The following RDH10 variants were observed in gnomAD, a reference collection of about 807,000 sequenced individuals.
The protein encoded by RDH10 is retinol dehydrogenase 10, also known as retinol dehydrogenase 10 (all-trans).
RDH10 carries 12 observed loss-of-function variants against 30.2 expected under a neutral mutation model. That is an observed-to-expected ratio of 0.40 (90% CI 0.25 to 0.64). The LOEUF (loss-of-function observed/expected upper bound fraction) is 0.64. RDH10 is among the 30% of genes least tolerant of loss of function. RDH10 has a pLI of 0.43. For missense variants in RDH10, 268 were observed against 445.2 expected, an observed-to-expected ratio of 0.60 and a Z score of 3.58; for synonymous variants, 189 against 172.2, an observed-to-expected ratio of 1.10 and a Z score of -0.76.
At chr8:73,310,462 G>A (rs1215915463) in intron 2 of RDH10, among the ~76,000 whole-genome samples, 2 of 152,334 alleles carry the variant, frequency 1.3e-5, no homozygotes, top group African/African-American at 4.8e-5. Context: ...TGTGCTGTTG[G>A]AACAGGGGCT....
intron 4 of RDH10, chr8:73,321,806 G>A (rs1261898623): frequency 2.2e-6 from 1 of 456,126 alleles, no homozygotes; most frequent in Non-Finnish European, 4.4e-6. Flanking sequence ...CTGTTGGTTG[G>A]GGGCCATTCT....
intron 1 of RDH10, 151 bp downstream of exon 1, chr8:73,295,729 C>T: frequency 6.3e-6 from 6 of 955,644 alleles, no homozygotes; most frequent in Non-Finnish European, 8.8e-6. Flanking sequence ...GTGGAATTCG[C>T]TTCCTGATAA....
intron 2 of RDH10, 80 bp from the exon 3 acceptor site, chr8:73,319,015 AG>A (rs1814721711): frequency 3.6e-6 from 3 of 821,958 alleles, no homozygotes; most frequent in Non-Finnish European, 6.0e-6. Context: ...TGTGAATAAA[AG>A]TTTGTTTTGT....
chr8:73,308,853 G>C (rs1201147424), intron 2 of RDH10, among the ~76,000 whole-genome samples: 1 of 152,142 alleles, frequency 6.6e-6, no homozygotes, highest in Admixed American at 6.5e-5. Context: ...TAGGAGAGTT[G>C]ATCTGAAGCC....
At chr8:73,296,813 GC>G (rs1814274313) in intron 1 of RDH10, among the ~76,000 whole-genome samples, 1 of 152,116 alleles carries the variant, frequency 6.6e-6, no homozygotes, top group Non-Finnish European at 1.5e-5. Flanking sequence ...TTTCTCTTGG[GC>G]CACTGTTTCC....
At chr8:73,309,420 T>A (rs527744583) in intron 2 of RDH10, among the ~76,000 whole-genome samples, 183 of 152,344 alleles carry the variant, frequency 1.2e-3, no homozygotes, top group Non-Finnish European at 2.0e-3. Flanking sequence ...GAGTTGTGAT[T>A]GGTAAGTGAT....
At chr8:73,308,156 G>T (rs932353954) in intron 2 of RDH10, among the ~76,000 whole-genome samples, 2 of 152,180 alleles carry the variant, frequency 1.3e-5, no homozygotes, top group African/African-American at 4.8e-5. Flanking sequence ...ACAAGGACTG[G>T]CTGAACAAAG....
chr8:73,315,472 G>T, intron 2 of RDH10: 1 of 362,778 alleles, frequency 2.8e-6, no homozygotes, highest in Non-Finnish European at 5.7e-6. Context: ...TCATTTCAGG[G>T]CAAGAAGGGG....
chr8:73,302,334 G>T (rs1478740398), intron 2 of RDH10, among the ~76,000 whole-genome samples: 3 of 152,198 alleles, frequency 2.0e-5, no homozygotes, highest in African/African-American at 7.2e-5. Flanking sequence ...TTTAACACTA[G>T]CATAGAAATT....
rs756117140 is a variant in RDH10 at position 73,322,793 on chromosome 8, C to T, written c.885C>T (p.Ile295=). The T allele has an allele frequency of 1.1e-4, 180 of 1,614,088 alleles. No homozygotes were observed. The Admixed American group carries it at 2.9e-3, about 26-fold the overall frequency. ...TCTGCACTCCCCGCCTCATGTACAT[C>T]GTGACCTTCATGAAGAGGTAACTGG... ...PMICTPRLMY[I]VTFMKSILPF... Residue 295 remains isoleucine, a synonymous_variant, in exon 5 of 6, where the codon ATC becomes ATT. Coordinates refer to ENST00000240285, the MANE Select transcript of RDH10 (RefSeq NM_172037.5).
intron 4 of RDH10, 92 bp from the exon 5 acceptor site, chr8:73,322,587 C>T (rs1344279350): frequency 9.4e-7 from 1 of 1,058,622 alleles, no homozygotes; most frequent in Non-Finnish European, 1.4e-6. Context: ...TCCCATCACT[C>T]AGATAACATC....
At chr8:73,300,000 A>G (rs1239835629) in intron 2 of RDH10, among the ~76,000 whole-genome samples, 2 of 152,224 alleles carry the variant, frequency 1.3e-5, no homozygotes, top group African/African-American at 4.8e-5. Flanking sequence ...AGGGAGGAGC[A>G]TAGCACCTTC....
intron 2 of RDH10, chr8:73,315,737 G>T (rs1195117815): frequency 3.5e-6 from 1 of 284,106 alleles, no homozygotes; most frequent in Admixed American, 3.9e-5. Flanking sequence ...ATTCAGATTT[G>T]TCAGGTAACC....
chr8:73,318,872 G>T (rs1185394590), intron 2 of RDH10, among the ~76,000 whole-genome samples: 1 of 152,206 alleles, frequency 6.6e-6, no homozygotes, highest in African/African-American at 2.4e-5. Context: ...AAGCTTTTAA[G>T]TTACAGTCTT....
Position 73,325,039 on chromosome 8 carries a change from G to A in RDH10, c.*2003G>A, listed in dbSNP as rs149170511. 1 of 152,296 alleles carries A rather than the reference G, an allele frequency of 6.6e-6. No homozygotes were observed. Among genetic ancestry groups the A allele is most frequent in the South Asian group, 2.1e-4 (1 of 4,820 alleles). 9.4% of individuals were successfully genotyped at this position (152,296 alleles called of 1,614,324 possible). On this transcript the variant is annotated 3_prime_UTR_variant, in exon 6 of 6. Transcript: ENST00000240285. ...CTCTGAAGGGTCTCAACAATGCCAGGTGGGGACAGATATACTCAGAGATTA... is the reference window on the plus strand; with the variant it reads ...CTCTGAAGGGTCTCAACAATGCCAGATGGGGACAGATATACTCAGAGATTA...
intron 2 of RDH10, among the ~76,000 whole-genome samples, chr8:73,316,808 AGGAAGCGAGGG>A (rs894219261): frequency 9.8e-5 from 15 of 152,294 alleles, no homozygotes; most frequent in African/African-American, 3.6e-4. Flanking sequence ...CAGAAGCAGG[AGGAAGCGAGGG>A]GGTGGGGGCT....
At chr8:73,311,091 A>G (rs1814555741) in intron 2 of RDH10, 1 of 152,198 alleles carries the variant, frequency 6.6e-6, no homozygotes, top group Non-Finnish European at 1.5e-5. Context: ...ATAATACCTC[A>G]GCGTGACCTC....
intron 2 of RDH10, among the ~76,000 whole-genome samples, chr8:73,304,597 G>C (rs1347434374): frequency 1.3e-5 from 2 of 152,102 alleles, no homozygotes; most frequent in Non-Finnish European, 2.9e-5. Context: ...TGCTTTTCCA[G>C]GTCAGCACCT....
intron 2 of RDH10, among the ~76,000 whole-genome samples, chr8:73,317,044 C>CA (rs1161679949): frequency 6.6e-6 from 1 of 152,194 alleles, no homozygotes; most frequent in East Asian, 1.9e-4. Flanking sequence ...GTGCCTGTCT[C>CA]AGTGTAGCAA....
Sources: gnomAD v4.1 joint callset for allele counts (sites outside exome capture counted in the v4.1 genomes callset) on GRCh38, gnomAD v4.1.1 for gene constraint, MANE v1.5 for transcripts, NCBI Gene and HGNC (gene_info 2026-07-23, HGNC 2026-07-21) for gene names.